Variants in PKHD1 observed in about 807,000 individuals in gnomAD.
PKHD1 encodes fibrocystin.
PKHD1 carries 291 observed loss-of-function variants against 412.0 expected under a neutral mutation model. That is an observed-to-expected ratio of 0.71 (90% confidence interval 0.64 to 0.78). PKHD1 has a LOEUF of 0.78. Among genes scored for constraint, PKHD1 ranks in the 30% least tolerant of loss-of-function variants. The pLI is 0.00. For synonymous variants in PKHD1, 1,777 were observed against 1,821.5 expected, an observed-to-expected ratio of 0.98 and a Z score of 0.62; for missense variants, 4,825 against 4,950.7, an observed-to-expected ratio of 0.97 and a Z score of 0.76.
At position 52,043,612 on chromosome 6, in the gene PKHD1, T is replaced by C; in HGVS notation, c.2821+13A>G. On this transcript the variant is annotated intron_variant, in intron 26 of 66. Coordinates refer to ENST00000371117, the MANE Select transcript of PKHD1 (RefSeq NM_138694.4). Reference sequence around the variant, plus strand: ...GGCTTAAGCCCATCTCAGAGCCAAGTGACAAATCATACCAATGGAGTACCA... The same window carrying C: ...GGCTTAAGCCCATCTCAGAGCCAAGCGACAAATCATACCAATGGAGTACCA... 1 of 1,578,746 alleles carries C rather than the reference T, an allele frequency of 6.3e-7. No homozygotes were observed. The highest frequency in any genetic ancestry group is 1.1e-5 in the South Asian group (1 of 90,386).
chr6:51,718,186 T>C (rs1239655361), intron 60 of PKHD1, among the ~76,000 whole-genome samples: 3 of 152,226 alleles, frequency 2.0e-5, no homozygotes, highest in East Asian at 1.9e-4. Flanking sequence ...GTGAGCTGAT[T>C]AGACATTGCA....
chr6:51,931,931 A>T, intron 37 of PKHD1, among the ~76,000 whole-genome samples: 1 of 150,388 alleles, frequency 6.6e-6, no homozygotes, highest in East Asian at 2.1e-4. Flanking sequence ...AAGAAGAAAG[A>T]GGGAGAAGAG....
intron 46 of PKHD1, among the ~76,000 whole-genome samples, chr6:51,874,664 C>A (rs897420888): frequency 6.6e-6 from 1 of 152,186 alleles, no homozygotes. Flanking sequence ...CGCAGTGGCT[C>A]ACGCCTGTAA....
At chr6:51,667,593 T>C (rs1264801070) in intron 60 of PKHD1, among the ~76,000 whole-genome samples, 2 of 152,090 alleles carry the variant, frequency 1.3e-5, no homozygotes, top group Non-Finnish European at 2.9e-5. Context: ...CCATTGCTTT[T>C]GGTGTTTTAG....
At chr6:51,789,574 T>C (rs1426646755) in intron 53 of PKHD1, among the ~76,000 whole-genome samples, 1 of 103,160 alleles carries the variant, frequency 9.7e-6, no homozygotes, top group African/African-American at 3.0e-5. Flanking sequence ...TGTGTATGTA[T>C]GTGTAAGAAA....
chr6:51,746,957 A>G, intron 58 of PKHD1, 68 bp from the exon 59 acceptor site: 2 of 927,566 alleles, frequency 2.2e-6, no homozygotes, highest in African/African-American at 1.6e-5. Flanking sequence ...TATCGAATAT[A>G]CAACTAAATA....
chr6:51,758,564 G>C (rs193207043), intron 55 of PKHD1, among the ~76,000 whole-genome samples: 3 of 152,108 alleles, frequency 2.0e-5, no homozygotes, highest in African/African-American at 7.2e-5. Flanking sequence ...GAAGAGGGGA[G>C]ACTTGCTTGT....
intron 60 of PKHD1, among the ~76,000 whole-genome samples, chr6:51,674,839 T>C (rs780222629): frequency 1.9e-4 from 29 of 152,218 alleles, no homozygotes; most frequent in Admixed American, 3.9e-4. Context: ...GCCCTTTTAA[T>C]ATTTTATCAT....
intron 43 of PKHD1, among the ~76,000 whole-genome samples, chr6:51,893,648 T>C (rs1779438030): frequency 6.6e-6 from 1 of 152,200 alleles, no homozygotes; most frequent in Admixed American, 6.5e-5. Flanking sequence ...AATCAATTAT[T>C]TGCGGAAGTC....
chr6:51,742,885 TC>T (rs1224581232), intron 60 of PKHD1, among the ~76,000 whole-genome samples: 1 of 152,174 alleles, frequency 6.6e-6, no homozygotes, highest in Non-Finnish European at 1.5e-5. Flanking sequence ...GGATGGCTTC[TC>T]TGAGGGTACC....
chr6:51,732,679 T>C (rs919920799), intron 60 of PKHD1, among the ~76,000 whole-genome samples: 3 of 152,200 alleles, frequency 2.0e-5, no homozygotes, highest in Non-Finnish European at 4.4e-5. Context: ...CATTGTGTAC[T>C]GTTGGTGGGA....
intron 51 of PKHD1, among the ~76,000 whole-genome samples, chr6:51,834,114 C>T (rs1213774517): frequency 6.6e-6 from 1 of 152,136 alleles, no homozygotes; most frequent in Non-Finnish European, 1.5e-5. Context: ...GAGAAGTTTG[C>T]AGGACAGCTG....
Position 52,060,873 on chromosome 6 carries a change from G to T in PKHD1, c.1119-831C>A, listed in dbSNP as rs145877278. 5.1e-3 allele frequency among the ~76,000 whole-genome samples: 777 copies of T among 151,974 alleles called. 6 individuals carry two copies. Among genetic ancestry groups the T allele is most frequent in the African/African-American group, 0.018 (734 of 41,472 alleles). ...TAATTATATTAACTTACCAATAAAT[G>T]AATATTTTAATTTTTTAATTTAAAA... On this transcript the variant is annotated intron_variant, in intron 14 of 66. Coordinates refer to ENST00000371117, the MANE Select transcript of PKHD1 (RefSeq NM_138694.4).
At chr6:51,995,097 T>C (rs1797567116) in intron 35 of PKHD1, among the ~76,000 whole-genome samples, 1 of 152,168 alleles carries the variant, frequency 6.6e-6, no homozygotes, top group Non-Finnish European at 1.5e-5. Context: ...TTCATCCTTT[T>C]TCACCTGCAG....
intron 14 of PKHD1, among the ~76,000 whole-genome samples, chr6:52,061,250 G>A (rs543528880): frequency 6.6e-6 from 1 of 152,296 alleles, no homozygotes; most frequent in South Asian, 2.1e-4. Flanking sequence ...GAGTGCAGTG[G>A]TGTGATCATG....
intron 60 of PKHD1, among the ~76,000 whole-genome samples, chr6:51,693,785 A>C (rs1247980120): frequency 6.6e-6 from 1 of 152,202 alleles, no homozygotes; most frequent in African/African-American, 2.4e-5. Context: ...GAGTGCTTAC[A>C]ATGAGACAAC....
At chr6:52,014,312 C>A (rs186188081) in intron 34 of PKHD1, among the ~76,000 whole-genome samples, 7 of 152,312 alleles carry the variant, frequency 4.6e-5, no homozygotes, top group African/African-American at 7.2e-5. Flanking sequence ...TCTAAAGTAG[C>A]CCCCCTTTAT....
At chr6:51,881,548 T>A (rs1002572296) in intron 46 of PKHD1, among the ~76,000 whole-genome samples, 3 of 152,184 alleles carry the variant, frequency 2.0e-5, no homozygotes, top group African/African-American at 4.8e-5. Flanking sequence ...TAGCTTTTCA[T>A]GAAAAACACT....
intron 56 of PKHD1, among the ~76,000 whole-genome samples, chr6:51,753,568 GTGTT>G (rs1786473664): frequency 6.6e-6 from 1 of 152,172 alleles, no homozygotes; most frequent in Non-Finnish European, 1.5e-5. Flanking sequence ...CAGAGTCAGA[GTGTT>G]TGAGCAAGAA....
Sources: allele counts gnomAD v4.1 joint callset (sites outside exome capture counted in the v4.1 genomes callset), GRCh38; gene constraint gnomAD v4.1.1; transcripts MANE v1.5; gene names NCBI Gene and HGNC (gene_info 2026-07-23, HGNC 2026-07-21).